Variants in STT3A observed in about 807,000 individuals in gnomAD.
STT3A encodes STT3 oligosaccharyltransferase complex catalytic subunit A.
STT3A carries 34 observed loss-of-function variants against 89.2 expected under a neutral mutation model. The ratio of observed to expected loss-of-function variants is 0.38; its 90% CI spans 0.29 to 0.51. The LOEUF (loss-of-function observed/expected upper bound fraction) is 0.51. STT3A is among the 20% of genes least tolerant of loss of function. The probability of loss-of-function intolerance (pLI) is 0.89; values close to 1 mark genes in which losing one functional copy is unlikely to be tolerated. For synonymous variants in STT3A, 282 were observed against 310.3 expected (o/e 0.91, Z 0.96); for missense variants, 555 against 889.5 (o/e 0.62, Z 4.78).
chr11:125,606,544 T>A (rs1208661107), intron 8 of STT3A, 79 bp downstream of exon 8: 68 of 1,459,204 alleles, frequency 4.7e-5, no homozygotes, highest in Non-Finnish European at 5.4e-5. Flanking sequence ...TCTTAGATTC[T>A]GTTAAGAAGA....
At chr11:125,604,047 T>A in intron 5 of STT3A, 110 bp from the exon 6 acceptor site, 1 of 1,132,272 alleles carries the variant, frequency 8.8e-7, no homozygotes, top group Non-Finnish European at 1.3e-6. Flanking sequence ...ACCTTCGAAA[T>A]TGTTGGACTG....
chr11:125,620,355 A>G (rs1239100180), intron 17 of STT3A, among the ~76,000 whole-genome samples: 4 of 152,234 alleles, frequency 2.6e-5, no homozygotes, highest in African/African-American at 4.8e-5. Flanking sequence ...ATACTTTTCC[A>G]GCTGGGGCTT....
chr11:125,610,971 A>G (rs2135935302), intron 10 of STT3A: 1 of 153,146 alleles, frequency 6.5e-6, no homozygotes, highest in Non-Finnish European at 1.5e-5. Context: ...TTTGATGTAT[A>G]TTTATCAAAT....
At chr11:125,591,864 G>C (rs12294931), upstream of STT3A, 1,486 of 152,726 alleles carry the variant, frequency 9.7e-3, 27 homozygotes, top group African/African-American at 0.032. Context: ...GGCGCGCAGG[G>C]AGTGGAAGTG....
At chr11:125,598,789 G>C (rs1422224812) in intron 3 of STT3A, among the ~76,000 whole-genome samples, 1 of 152,016 alleles carries the variant, frequency 6.6e-6, no homozygotes, top group Non-Finnish European at 1.5e-5. Context: ...AAAATTTTTT[G>C]TAGAGATGGA....
chr11:125,610,174 C>T (rs1301804635), intron 10 of STT3A, among the ~76,000 whole-genome samples: 1 of 151,126 alleles, frequency 6.6e-6, no homozygotes, highest in Non-Finnish European at 1.5e-5. Flanking sequence ...GCCATCCTTC[C>T]ACCTCACCCT....
At chr11:125,612,831 A>G (rs1342752966) in intron 12 of STT3A, 84 bp downstream of exon 12, 1 of 1,546,078 alleles carries the variant, frequency 6.5e-7, no homozygotes, top group Non-Finnish European at 8.8e-7. Flanking sequence ...GGGTGGGAGG[A>G]GTAAAGTAGA....
intron 16 of STT3A, among the ~76,000 whole-genome samples, chr11:125,619,763 G>T (rs892337899): frequency 6.6e-6 from 1 of 152,102 alleles, no homozygotes. Flanking sequence ...CTTGGAAGTC[G>T]GCTCCCTATG....
intron 6 of STT3A, among the ~76,000 whole-genome samples, chr11:125,605,137 GA>G (rs57173218): frequency 0.058 from 8,495 of 146,138 alleles, 320 homozygotes; most frequent in Non-Finnish European, 0.089. Context: ...ATTTTTTTAA[GA>G]AAAAAAAAAA....
chr11:125,612,768 T>G (rs1027953512), intron 12 of STT3A, 21 bp downstream of exon 12: 4 of 1,611,436 alleles, frequency 2.5e-6, no homozygotes, highest in Middle Eastern at 3.3e-4. Context: ...ATGTTAAGAG[T>G]AGACTTGGGA....
chr11:125,606,197 A>G (rs1939830919), intron 7 of STT3A, 104 bp from the exon 8 acceptor site: 20 of 1,087,954 alleles, frequency 1.8e-5, no homozygotes, highest in Non-Finnish European at 2.5e-5. Flanking sequence ...AGTTATAGTT[A>G]CTATAAGTGT....
intron 16 of STT3A, 134 bp from the exon 17 acceptor site, chr11:125,619,877 G>T: frequency 1.4e-6 from 1 of 694,864 alleles, no homozygotes; most frequent in Non-Finnish European, 2.4e-6. Flanking sequence ...GCCCTTTTTT[G>T]CAGGCTCTAC....
intron 3 of STT3A, among the ~76,000 whole-genome samples, chr11:125,597,538 G>T (rs1468887659): frequency 6.6e-6 from 1 of 152,164 alleles, no homozygotes; most frequent in Non-Finnish European, 1.5e-5. Flanking sequence ...TAGGCTAAGA[G>T]AATTCTGGCT....
chr11:125,604,300 G>C (rs1003480894), intron 6 of STT3A, 53 bp downstream of exon 6: 123 of 1,565,606 alleles, frequency 7.9e-5, no homozygotes, highest in Middle Eastern at 1.7e-4. Flanking sequence ...ATCCAACAGA[G>C]CTTCACAAAG....
rs1344557860 is a variant in STT3A at position 125,613,007 on chromosome 11, C to T, written c.1384C>T (p.Leu462=). Residue 462 remains leucine, a synonymous_variant, in exon 13 of 18, where the codon CTG becomes TTG. Transcript: ENST00000392708. This position sits in a 1 kb window ranked among gnomAD's most constrained non-coding sequence, Gnocchi z 4.2. ...IKNEVASGMI[L]VMAFFLITYT... The stretch of plus-strand genomic sequence containing the variant: ...TGTTTAGGTGGCAAGTGGGATGATA[C>T]TGGTCATGGCTTTCTTTCTCATCAC... 1 of 1,614,018 alleles carries T rather than the reference C, an allele frequency of 6.2e-7. No individual in the cohort carries two copies. The highest frequency in any genetic ancestry group is 8.5e-7 in the Non-Finnish European group (1 of 1,179,978).
intron 9 of STT3A, chr11:125,608,554 G>A (rs1049216495): frequency 2.1e-5 from 7 of 326,116 alleles, no homozygotes; most frequent in Middle Eastern, 9.5e-4. Context: ...TCAAACTCCC[G>A]ACCTCAGGTG....
In STT3A at chr11:125,614,233, T is replaced by G. The variant is rs992461882; in HGVS notation, c.1671+30T>G. The G allele has an allele frequency of 3.1e-6, 5 of 1,612,722 alleles. No individual in the cohort carries two copies. In the African/African-American group the frequency reaches 6.7e-5, roughly 22 times the overall value. On this transcript the variant is annotated intron_variant, in intron 14 of 17. Transcript: ENST00000392708. This position sits in a 1 kb window ranked among gnomAD's most constrained non-coding sequence, Gnocchi z 4.9. ...GATAAAGGGATGATCTTTGAGTGTT[T>G]GGTGTACAAGGTCTAATGGGAAATG... is the stretch of plus-strand genomic sequence containing the variant.
intron 11 of STT3A, 104 bp from the exon 12 acceptor site, chr11:125,612,488 T>C: frequency 7.7e-7 from 1 of 1,297,680 alleles, no homozygotes. Flanking sequence ...GTGGAGGTCA[T>C]GTTTGATGAA....
chr11:125,601,657 T>C (rs958919225), intron 3 of STT3A, among the ~76,000 whole-genome samples: 3 of 152,052 alleles, frequency 2.0e-5, no homozygotes, highest in African/African-American at 4.8e-5. Context: ...CCAAAATCTA[T>C]TGGTGCCCAC....
Sources: allele counts gnomAD v4.1 joint callset (sites outside exome capture counted in the v4.1 genomes callset), GRCh38; gene constraint gnomAD v4.1.1; non-coding constraint Gnocchi (gnomAD v3.1); transcripts MANE v1.5; gene names NCBI Gene and HGNC (gene_info 2026-07-23, HGNC 2026-07-21).